The following ABCC12 variants were observed in gnomAD, a reference collection of about 807,000 sequenced individuals.
The protein encoded by ABCC12 is ATP-binding cassette sub-family C member 12.
Under a neutral mutation model 151.1 loss-of-function variants are expected in ABCC12, and 142 were observed. That is an observed-to-expected ratio of 0.94 (90% CI 0.82 to 1.08). The LOEUF (loss-of-function observed/expected upper bound fraction) is 1.08, where lower values mean the gene tolerates loss of function less well. ABCC12 is among the 50% of genes least tolerant of loss of function. ABCC12 has a pLI of 0.00. For synonymous variants in ABCC12, 645 were observed against 646.4 expected (o/e 1.00, Z 0.03); for missense variants, 1,638 against 1,691.1 (o/e 0.97, Z 0.55).
At chr16:48,119,261 C>T (rs1295316899) in intron 13 of ABCC12, among the ~76,000 whole-genome samples, 1 of 152,248 alleles carries the variant, frequency 6.6e-6, no homozygotes, top group Non-Finnish European at 1.5e-5. Flanking sequence ...CGAGCACGGT[C>T]TACTGCCACC....
chr16:48,132,446 A>G (rs1964459297), intron 9 of ABCC12, among the ~76,000 whole-genome samples: 1 of 151,740 alleles, frequency 6.6e-6, no homozygotes, highest in Non-Finnish European at 1.5e-5. Context: ...TGCAAACGTC[A>G]CCTCTTTCCT....
chr16:48,130,714 G>A, intron 10 of ABCC12, 74 bp downstream of exon 10: 1 of 1,212,862 alleles, frequency 8.2e-7, no homozygotes, highest in Non-Finnish European at 1.2e-6. Flanking sequence ...GCTTGGTACA[G>A]CCTCCACATA....
Position 48,088,750 on chromosome 16 carries a change from A to G in ABCC12, c.3286-16T>C. ...GAACACAGGTCTGTAAAGGAGAATA[A>G]CCAATGACCAGTGACTAGCCATTTG... On this transcript the variant is annotated splice_polypyrimidine_tract_variant and intron_variant, in intron 25 of 30. Coordinates refer to ENST00000311303, the MANE Select transcript of ABCC12 (RefSeq NM_001393797.1). 1 of 1,591,654 alleles carries G rather than the reference A, an allele frequency of 6.3e-7. No individual in the cohort carries two copies. Among genetic ancestry groups the G allele is most frequent in the Non-Finnish European group, 8.6e-7 (1 of 1,168,512 alleles).
At position 48,091,199 on chromosome 16, in the gene ABCC12, A is replaced by C. The variant is rs1962875477; in HGVS notation, c.3206T>G (p.Leu1069Arg). The C allele has an allele frequency of 6.2e-7, 1 of 1,614,092 alleles. No homozygotes were observed. The highest frequency in any genetic ancestry group is 8.5e-7 in the Non-Finnish European group (1 of 1,179,946). Residue 1069 changes from leucine (L) to arginine (R), a missense_variant, in exon 25 of 31, where the codon CTG becomes CGG. Coordinates refer to ENST00000311303, the MANE Select transcript of ABCC12 (RefSeq NM_001393797.1). Reference sequence around the variant, plus strand: ...TCCCGTTCGCACACACACTTGGAGCAGTCCGCTCAGCTGTTGAAAAGGAGC... The same window carrying C: ...TCCCGTTCGCACACACACTTGGAGCCGTCCGCTCAGCTGTTGAAAAGGAGC... The part of the protein sequence containing the change: ...SLSYIIQLSG[L>R]LQVCVRTGTE...
chr16:48,115,326 C>A, intron 15 of ABCC12, 89 bp downstream of exon 15: 1 of 1,392,362 alleles, frequency 7.2e-7, no homozygotes, highest in Non-Finnish European at 9.9e-7. Flanking sequence ...TGAAGACAGG[C>A]AGATATAGGC....
intron 8 of ABCC12, among the ~76,000 whole-genome samples, chr16:48,137,235 C>T (rs751342311): frequency 6.6e-6 from 1 of 152,108 alleles, no homozygotes; most frequent in African/African-American, 2.4e-5. Flanking sequence ...CCAACAAACT[C>T]GTGGCTATTT....
chr16:48,101,161 G>A, intron 22 of ABCC12, 152 bp from the exon 23 acceptor site: 1 of 962,972 alleles, frequency 1.0e-6, no homozygotes, highest in Non-Finnish European at 1.5e-6. Flanking sequence ...CTGCCATTCT[G>A]CAGTGGTGCC....
chr16:48,138,272 A>T lies in ABCC12; in HGVS notation c.935T>A (p.Ile312Asn), dbSNP rs200479232. 3.0e-5 allele frequency: 49 copies of T among 1,612,640 alleles called. No individual in the cohort carries two copies. The East Asian group carries it at 8.9e-4, about 29-fold the overall frequency. Residue 312 changes from isoleucine to asparagine, a missense_variant, in exon 8 of 31, where the codon ATC becomes AAC. Physicochemically the swap from Ile to Asn is moderately radical, Grantham distance 149. Coordinates refer to ENST00000311303, the MANE Select transcript of ABCC12 (RefSeq NM_001393797.1). Reference protein sequence around the residue: ...MNEFLTCIRLIKMYAWEKSFT... With the variant: ...MNEFLTCIRLNKMYAWEKSFT... ...AGATTTCTCCCAGGCATACATTTTG[A>T]TCAGCCTGATGCAGGTCAGAAACTC... is the stretch of plus-strand genomic sequence containing the variant.
intron 23 of ABCC12, among the ~76,000 whole-genome samples, chr16:48,098,106 C>G (rs1963168436): frequency 6.6e-6 from 1 of 150,846 alleles, no homozygotes; most frequent in South Asian, 2.1e-4. Flanking sequence ...CACACACACA[C>G]ACACACACAC....
At chr16:48,145,146 G>A (rs528154890) in intron 3 of ABCC12, among the ~76,000 whole-genome samples, 12 of 152,068 alleles carry the variant, frequency 7.9e-5, no homozygotes, top group Non-Finnish European at 1.3e-4. Flanking sequence ...AATAGCCCAC[G>A]TCCTCACCTT....
intron 2 of ABCC12, chr16:48,146,690 C>T (rs1189636762): frequency 5.6e-6 from 2 of 354,406 alleles, no homozygotes; most frequent in Non-Finnish European, 1.0e-5. Context: ...CATTTAATTC[C>T]TCTTTTCTCA....
intron 14 of ABCC12, among the ~76,000 whole-genome samples, chr16:48,116,381 C>T (rs1175610131): frequency 5.9e-5 from 9 of 152,168 alleles, no homozygotes; most frequent in African/African-American, 1.4e-4. Context: ...ATTTCACAAG[C>T]GCCTGCTGAA....
At chr16:48,150,495 A>G (rs185166319) in intron 2 of ABCC12, among the ~76,000 whole-genome samples, 1 of 152,310 alleles carries the variant, frequency 6.6e-6, no homozygotes, top group East Asian at 1.9e-4. Context: ...AGCTGCAGAA[A>G]AATACACACA....
intron 4 of ABCC12, among the ~76,000 whole-genome samples, chr16:48,141,929 A>T (rs1258842947): frequency 4.6e-5 from 7 of 152,226 alleles, no homozygotes; most frequent in Admixed American, 4.6e-4. Flanking sequence ...CATCTAAAAG[A>T]TCAATTGGCT....
chr16:48,131,982 C>T (rs1964442722), intron 9 of ABCC12, among the ~76,000 whole-genome samples: 1 of 152,164 alleles, frequency 6.6e-6, no homozygotes, highest in Non-Finnish European at 1.5e-5. Flanking sequence ...CTGACCAACT[C>T]CTGACATGAC....
At chr16:48,100,813 C>T in intron 23 of ABCC12, 59 bp downstream of exon 23, 1 of 1,583,098 alleles carries the variant, frequency 6.3e-7, no homozygotes, top group Non-Finnish European at 8.6e-7. Context: ...CTGTGCACTC[C>T]CCATCGGAGT....
At chr16:48,134,348 C>G (rs1964535322) in intron 8 of ABCC12, among the ~76,000 whole-genome samples, 1 of 152,152 alleles carries the variant, frequency 6.6e-6, no homozygotes, top group African/African-American at 2.4e-5. Flanking sequence ...ATTCTAGGCA[C>G]CCAGCTAACC....
intron 21 of ABCC12, 32 bp from the exon 22 acceptor site, chr16:48,104,400 C>T (rs774594503): frequency 1.2e-5 from 19 of 1,595,334 alleles, no homozygotes; most frequent in Middle Eastern, 1.7e-4. Context: ...CAAACAGAGT[C>T]GAGATGCGTG....
In ABCC12 at chr16:48,115,574, C is replaced by A; in HGVS notation, c.1830G>T (p.Arg610Ser). The change falls in exon 15 of 31, where the codon AGG becomes AGT. Residue 610 changes from arginine (R) to serine (S), a missense_variant. Arg to Ser is a moderately radical substitution (Grantham distance 110). Transcript: ENST00000311303. The part of the protein sequence containing the change: ...GLNLSGGQRQ[R>S]ISLARAVYSD... ...AGTAGACAGCGCGGGCCAGGCTAAT[C>A]CTCTGCCTCTGCCCCCCAGAGAGGT... 1 of 1,614,120 alleles carries A rather than the reference C, an allele frequency of 6.2e-7. No homozygotes were observed. Among genetic ancestry groups the A allele is most frequent in the Non-Finnish European group, 8.5e-7 (1 of 1,179,998 alleles).
Sources: gnomAD v4.1 joint callset for allele counts (sites outside exome capture counted in the v4.1 genomes callset) on GRCh38, gnomAD v4.1.1 for gene constraint, MANE v1.5 for transcripts, NCBI Gene and HGNC (gene_info 2026-07-23, HGNC 2026-07-21) for gene names.